AKAP6: variants seen among roughly 807,000 people sequenced by gnomAD.
The protein encoded by AKAP6 is A-kinase anchor protein 6.
Under a neutral mutation model 188.5 loss-of-function variants are expected in AKAP6, and 58 were observed. That is an observed-to-expected ratio of 0.31 (90% CI 0.25 to 0.38). The LOEUF is 0.38. AKAP6 is among the 10% of genes least tolerant of loss of function. The pLI is 1.00. For synonymous variants in AKAP6, 989 were observed against 998.6 expected, an observed-to-expected ratio of 0.99 and a Z score of 0.18; for missense variants, 2,710 against 2,740.0, an observed-to-expected ratio of 0.99 and a Z score of 0.24.
chr14:32,612,354 T>G (rs930447523), intron 7 of AKAP6, among the ~76,000 whole-genome samples: 7 of 152,170 alleles, frequency 4.6e-5, no homozygotes, highest in African/African-American at 1.7e-4. Context: ...TAAAATGTAT[T>G]TTAGTAAATT....
At chr14:32,511,048 C>G (rs753752872) in intron 2 of AKAP6, among the ~76,000 whole-genome samples, 1 of 152,148 alleles carries the variant, frequency 6.6e-6, no homozygotes, top group South Asian at 2.1e-4. Context: ...GTGAGCAGTC[C>G]TGGAGCACAA....
chr14:32,789,129 C>T (rs1413214939), intron 12 of AKAP6, among the ~76,000 whole-genome samples: 3 of 148,676 alleles, frequency 2.0e-5, no homozygotes, highest in Non-Finnish European at 4.5e-5. Flanking sequence ...CTTCTTTAAG[C>T]GGAACCTAGA....
rs574497794 is a variant in AKAP6 at position 32,697,168 on chromosome 14, G to C, written c.3000+1058G>C. Among the ~76,000 whole-genome samples the C allele has an allele frequency of 2.6e-4, 39 of 152,122 alleles. No homozygotes were observed. In the South Asian group the frequency reaches 8.1e-3, roughly 32 times the overall value. ...TTTAAATTACCGTTCTTTAATAAATGATTTTAACTTTTACCTCCTCTAAAG... is the reference window on the plus strand; with the variant it reads ...TTTAAATTACCGTTCTTTAATAAATCATTTTAACTTTTACCTCCTCTAAAG... On this transcript the variant is annotated intron_variant, in intron 9 of 13. Transcript: ENST00000280979.
At chr14:32,360,760 T>G (rs943649057) in intron 1 of AKAP6, among the ~76,000 whole-genome samples, 2 of 148,946 alleles carry the variant, frequency 1.3e-5, no homozygotes, top group African/African-American at 5.0e-5. Flanking sequence ...TGCATGCATT[T>G]TTTGAGACAT....
intron 5 of AKAP6, among the ~76,000 whole-genome samples, chr14:32,597,265 A>G (rs966495665): frequency 6.6e-6 from 1 of 152,188 alleles, no homozygotes; most frequent in South Asian, 2.1e-4. Flanking sequence ...TTGGAAGCTC[A>G]TGATTGCCAA....
At chr14:32,614,203 G>A (rs1313123626) in intron 7 of AKAP6, among the ~76,000 whole-genome samples, 2 of 152,172 alleles carry the variant, frequency 1.3e-5, no homozygotes, top group Non-Finnish European at 2.9e-5. Flanking sequence ...TTCCAATTGT[G>A]TGGTGGTTTT....
chr14:32,453,929 T>A (rs1411446421), intron 2 of AKAP6, among the ~76,000 whole-genome samples: 1 of 152,218 alleles, frequency 6.6e-6, no homozygotes, highest in Non-Finnish European at 1.5e-5. Flanking sequence ...AAATAAAATC[T>A]TTTTCTCATG....
intron 13 of AKAP6, among the ~76,000 whole-genome samples, chr14:32,829,628 A>AG (rs2034775348): frequency 6.6e-6 from 1 of 151,946 alleles, no homozygotes; most frequent in African/African-American, 2.4e-5. Flanking sequence ...AAAAAAAAAA[A>AG]AAAATCAATG....
chr14:32,735,677 T>C lies in AKAP6; in HGVS notation c.3167T>C (p.Ile1056Thr), dbSNP rs755390527. The change falls in exon 11 of 14, where the codon ATC (isoleucine) becomes ACC (threonine). Residue 1056 changes from isoleucine (I) to threonine (T), a missense_variant. This residue lies in a region of AKAP6 where 2,473 missense variants were observed against 2,426.1 expected (regional missense o/e 1.02). Transcript: ENST00000280979. Reference protein sequence around the residue: ...ELLGKTLGEKIQDTMAGHSGS... With the variant: ...ELLGKTLGEKTQDTMAGHSGS... ...CATTAGAAAACCCTAGGAGAGAAGA[T>C]CCAGGACACAATGGCAGGGCACAGT... 1.9e-6 allele frequency: 3 copies of C among 1,608,096 alleles called. No individual in the cohort carries two copies. Among genetic ancestry groups the C allele is most frequent in the Non-Finnish European group, 2.5e-6 (3 of 1,178,144 alleles).
chr14:32,826,033 A>T (rs970050906), intron 13 of AKAP6, among the ~76,000 whole-genome samples: 1 of 152,194 alleles, frequency 6.6e-6, no homozygotes, highest in Non-Finnish European at 1.5e-5. Flanking sequence ...TTATGAAAAA[A>T]GTTACTATTT....
chr14:32,796,994 A>G (rs1361266874), intron 12 of AKAP6, among the ~76,000 whole-genome samples: 1 of 151,942 alleles, frequency 6.6e-6, no homozygotes, highest in Non-Finnish European at 1.5e-5. Context: ...GACTCTTCTC[A>G]AAAGACATAC....
Position 32,449,521 on chromosome 14 carries a change from C to CAA in AKAP6, c.324+15723_324+15724dup, listed in dbSNP as rs33960351. ...TGGGCAATGGAGCTAGACTCCATCT[C>CAA]AAAAAAAAAAAAAAAAAAAAGAAAA... On this transcript the variant is annotated intron_variant, in intron 2 of 13. Transcript: ENST00000280979. 3.1e-3 allele frequency among the ~76,000 whole-genome samples: 323 copies of CAA among 104,552 alleles called. 1 individual carries two copies. Among genetic ancestry groups the CAA allele is most frequent in the East Asian group, 0.016 (52 of 3,236 alleles). 68.6% of individuals were successfully genotyped at this position (104,552 alleles called of 152,430 possible). A position where few individuals can be genotyped will look rare whatever the true frequency, so the allele number is the denominator to read the frequency against.
intron 2 of AKAP6, among the ~76,000 whole-genome samples, chr14:32,507,389 A>G (rs1243070116): frequency 6.6e-6 from 1 of 152,236 alleles, no homozygotes; most frequent in African/African-American, 2.4e-5. Context: ...AGGCTTTACA[A>G]TTAGCAAAAC....
At chr14:32,502,757 T>C (rs553462975) in intron 2 of AKAP6, among the ~76,000 whole-genome samples, 121 of 152,266 alleles carry the variant, frequency 7.9e-4, no homozygotes, top group African/African-American at 2.7e-3. Flanking sequence ...TGAAGATCTT[T>C]CTGCGTCAGA....
chr14:32,755,029 T>C (rs893986142), intron 11 of AKAP6, among the ~76,000 whole-genome samples: 4 of 152,232 alleles, frequency 2.6e-5, no homozygotes, highest in African/African-American at 4.8e-5. Flanking sequence ...TAGATCTGAA[T>C]GTTCATGTCC....
At chr14:32,779,057 G>A (rs77049796) in intron 12 of AKAP6, among the ~76,000 whole-genome samples, 29,570 of 151,838 alleles carry the variant, frequency 0.19, 3,317 homozygotes, top group African/African-American at 0.31. Context: ...AACAATGATC[G>A]GATTAGGTTT....
At chr14:32,482,912 A>G (rs1879428248) in intron 2 of AKAP6, among the ~76,000 whole-genome samples, 1 of 151,734 alleles carries the variant, frequency 6.6e-6, no homozygotes, top group Non-Finnish European at 1.5e-5. Flanking sequence ...CTGTAATGTG[A>G]CTATATCTGT....
In AKAP6 at chr14:32,546,945, G is replaced by T. The variant is rs776032296; in HGVS notation, c.2292G>T (p.Leu764=). The T allele has an allele frequency of 3.7e-6, 6 of 1,610,698 alleles. No homozygotes were observed. The highest frequency in any genetic ancestry group is 4.2e-6 in the Non-Finnish European group (5 of 1,179,958). ...SATKSALIQK[L]MQDIQHQDNY... is the part of the protein sequence containing the mutation. ...CTAAATCAGCTTTAATTCAGAAACT[G>T]ATGCAAGATATTCAGCACCAAGACA... Residue 764 remains leucine (L), a synonymous_variant, in exon 4 of 14, where the codon CTG becomes CTT. Coordinates refer to ENST00000280979, the MANE Select transcript of AKAP6 (RefSeq NM_004274.5).
Position 32,512,277 on chromosome 14 carries a change from CGTT to C in AKAP6, c.325-23273_325-23271del, listed in dbSNP as rs1395046149. ...TTTGTTTGCCTTCTGAAACTCCACT[CGTT>C]GTTTGATATGAGTAGAATTCTGTGT... On this transcript the variant is annotated intron_variant, in intron 2 of 13. Coordinates refer to ENST00000280979, the MANE Select transcript of AKAP6 (RefSeq NM_004274.5). Among the ~76,000 whole-genome samples, 7 of 152,224 alleles carry C rather than the reference CGTT, an allele frequency of 4.6e-5. No homozygotes were observed. In the East Asian group the frequency reaches 5.8e-4, roughly 13 times the overall value.
Sources: gnomAD v4.1 joint callset for allele counts (sites outside exome capture counted in the v4.1 genomes callset) on GRCh38, gnomAD v4.1.1 for gene constraint, gnomAD v4.1.1 regional missense constraint, MANE v1.5 for transcripts, NCBI Gene and HGNC (gene_info 2026-07-23, HGNC 2026-07-21) for gene names.